The following URB1 variants were observed in gnomAD, a reference collection of about 807,000 sequenced individuals.
URB1 encodes nucleolar pre-ribosomal-associated protein 1.
Under a neutral mutation model 242.3 loss-of-function variants are expected in URB1, and 197 were observed. The ratio of observed to expected loss-of-function variants is 0.81; its 90% confidence interval spans 0.72 to 0.91. The LOEUF (loss-of-function observed/expected upper bound fraction) is 0.91. URB1 is among the 40% of genes least tolerant of loss of function. The probability of loss-of-function intolerance (pLI) is 0.00; values close to 1 mark genes in which losing one functional copy is unlikely to be tolerated. For missense variants in URB1, 2,721 were observed against 2,860.5 expected, an observed-to-expected ratio of 0.95 and a Z score of 1.11; for synonymous variants, 1,153 against 1,201.8, an observed-to-expected ratio of 0.96 and a Z score of 0.84.
intron 34 of URB1, among the ~76,000 whole-genome samples, chr21:32,321,033 C>A (rs952703202): frequency 6.6e-6 from 1 of 152,234 alleles, no homozygotes; most frequent in Non-Finnish European, 1.5e-5. Context: ...TGTTTACCAC[C>A]TGGAAGGGAG....
intron 19 of URB1, among the ~76,000 whole-genome samples, chr21:32,351,465 G>C (rs2033157735): frequency 1.3e-5 from 2 of 152,176 alleles, no homozygotes; most frequent in Admixed American, 1.3e-4. Context: ...TACTCCACGT[G>C]GCTTATGTTG....
intron 3 of URB1, 95 bp downstream of exon 3, chr21:32,384,218 A>T: frequency 7.1e-7 from 1 of 1,406,768 alleles, no homozygotes; most frequent in Non-Finnish European, 9.5e-7. Flanking sequence ...GCTCTCCTCT[A>T]GCCATAAAGG....
intron 28 of URB1, among the ~76,000 whole-genome samples, chr21:32,334,706 A>T (rs1243888412): frequency 6.6e-6 from 1 of 152,176 alleles, no homozygotes; most frequent in Non-Finnish European, 1.5e-5. Context: ...CAAGTTGCTC[A>T]GCTGCTCACC....
At chr21:32,361,684 A>G (rs555793419) in intron 12 of URB1, among the ~76,000 whole-genome samples, 2 of 152,336 alleles carry the variant, frequency 1.3e-5, no homozygotes, top group East Asian at 3.9e-4. Flanking sequence ...AAAGATGGGC[A>G]CGTTTCTAAC....
At chr21:32,368,873 T>C (rs561613789) in intron 8 of URB1, among the ~76,000 whole-genome samples, 1 of 152,326 alleles carries the variant, frequency 6.6e-6, no homozygotes, top group East Asian at 1.9e-4. Context: ...GAGTTCAATT[T>C]GCTTTCTAAA....
chr21:32,341,227 C>T (rs2033025218), intron 25 of URB1, among the ~76,000 whole-genome samples: 1 of 152,176 alleles, frequency 6.6e-6, no homozygotes, highest in Admixed American at 6.5e-5. Flanking sequence ...TACTATTATT[C>T]TCTGCACATT....
chr21:32,328,646 C>T (rs991977805), intron 30 of URB1, among the ~76,000 whole-genome samples: 3 of 152,170 alleles, frequency 2.0e-5, no homozygotes, highest in African/African-American at 7.2e-5. Flanking sequence ...AGTTTATACT[C>T]ACTAAAAGCA....
At chr21:32,362,250 G>C (rs2033298017) in intron 11 of URB1, among the ~76,000 whole-genome samples, 1 of 151,788 alleles carries the variant, frequency 6.6e-6, no homozygotes, top group African/African-American at 2.4e-5. Flanking sequence ...CTGTCGCCCA[G>C]GCTGGAGTGC....
Position 32,357,660 on chromosome 21 carries a change from G to T in URB1, c.1870-4C>A, listed in dbSNP as rs1178200377. 1 of 1,454,902 alleles carries T rather than the reference G, an allele frequency of 6.9e-7. No individual in the cohort carries two copies. Among genetic ancestry groups the T allele is most frequent in the Non-Finnish European group, 9.0e-7 (1 of 1,107,242 alleles). The allele number at this position is 1,454,902 out of a possible 1,614,324, so 90.1% of individuals were successfully genotyped here. On this transcript the variant is annotated splice_polypyrimidine_tract_variant and splice_region_variant and intron_variant, in intron 14 of 38. Coordinates refer to ENST00000382751, the MANE Select transcript of URB1 (RefSeq NM_014825.3). ...TAATTTCTGCATCTGGGCCTTCCTA[G>T]AGTTTAAACAATATTACGTATTTTT...
intron 25 of URB1, among the ~76,000 whole-genome samples, chr21:32,340,276 A>T (rs2123569949): frequency 6.6e-6 from 1 of 152,302 alleles, no homozygotes; most frequent in Non-Finnish European, 1.5e-5. Flanking sequence ...GTCAGGAAGG[A>T]TGTTAAGGGA....
intron 10 of URB1, among the ~76,000 whole-genome samples, chr21:32,364,580 G>A (rs767958434): frequency 1.9e-4 from 29 of 152,194 alleles, no homozygotes; most frequent in Non-Finnish European, 3.1e-4. Flanking sequence ...CCTAAGCCAA[G>A]AATGGCCAGC....
Position 32,315,026 on chromosome 21 carries a change from T to C in URB1, c.6708A>G (p.Leu2236=). The part of the protein sequence containing the change: ...WLGAQRPDTL[L]THVRMVCEAA... ...CCTCACACACCATCCGGACGTGGGT[T>C]AAGAGGGTGTCCGGCCGCTGAGCCC... Residue 2236 remains leucine (L), a synonymous_variant, in exon 39 of 39, where the codon TTA becomes TTG. Coordinates refer to ENST00000382751, the MANE Select transcript of URB1 (RefSeq NM_014825.3). 3 of 1,551,416 alleles carry C rather than the reference T, an allele frequency of 1.9e-6. No homozygotes were observed. Among genetic ancestry groups the C allele is most frequent in the Non-Finnish European group, 2.6e-6 (3 of 1,146,824 alleles).
At chr21:32,331,834 G>A (rs1416774457) in intron 30 of URB1, among the ~76,000 whole-genome samples, 1 of 152,244 alleles carries the variant, frequency 6.6e-6, no homozygotes, top group Non-Finnish European at 1.5e-5. Context: ...CCCTGTTGGG[G>A]TGGCATGAGA....
chr21:32,337,704 T>G (rs1426259420), intron 26 of URB1, among the ~76,000 whole-genome samples, 190 bp from the exon 27 acceptor site: 2 of 151,530 alleles, frequency 1.3e-5, no homozygotes, highest in Non-Finnish European at 2.9e-5. Flanking sequence ...TTTCTTTTTT[T>G]CTTTTTTTTT....
chr21:32,350,021 C>CT (rs2033139099), intron 20 of URB1, among the ~76,000 whole-genome samples: 1 of 151,414 alleles, frequency 6.6e-6, no homozygotes. Context: ...CTGAGGGTTG[C>CT]TGTTGAGGGT....
intron 8 of URB1, among the ~76,000 whole-genome samples, chr21:32,369,097 C>T (rs9984925): frequency 0.13 from 19,731 of 152,120 alleles, 1,558 homozygotes; most frequent in African/African-American, 0.22. Context: ...AATCCCAGCA[C>T]TTTGGGAGGC....
In URB1 at chr21:32,316,754, C is replaced by A. The variant is rs1487202301; in HGVS notation, c.6346G>T (p.Ala2116Ser). 5 of 1,550,876 alleles carry A rather than the reference C, an allele frequency of 3.2e-6. No homozygotes were observed. The highest frequency in any genetic ancestry group is 3.9e-5 in the Admixed American group (2 of 50,976). The change falls in exon 38 of 39, where the codon GCA becomes TCA. Residue 2116 changes from alanine (A) to serine (S), a missense_variant. By Grantham distance (99) the Ala-to-Ser change is moderately conservative (BLOSUM62 1). Coordinates refer to ENST00000382751, the MANE Select transcript of URB1 (RefSeq NM_014825.3). ...CAGCCAATGAGTCCTGCAGCCTCTG[C>A]CCTGCTGAGCGGGTGCTCGGCCACC... ...RSVAEHPLSR[A>S]EAAGLIGWLK...
At chr21:32,370,521 C>G (rs1338142617) in intron 8 of URB1, among the ~76,000 whole-genome samples, 1 of 152,146 alleles carries the variant, frequency 6.6e-6, no homozygotes, top group Non-Finnish European at 1.5e-5. Context: ...TAGTGCACAA[C>G]ACATGCCAGA....
chr21:32,341,467 T>C lies in URB1; in HGVS notation c.4315A>G (p.Lys1439Glu), dbSNP rs1051704380. 2.6e-5 allele frequency: 40 copies of C among 1,551,390 alleles called. No individual in the cohort carries two copies. Among genetic ancestry groups the C allele is most frequent in the Middle Eastern group, 1.7e-4 (1 of 6,012 alleles). The part of the protein sequence containing the change: ...DWQKFVKKGL[K>E]FRYQDHTFLK... ...ACCAAGAAAATAAAATCAACTTACT[T>C]GAGTCCCTTCTTCACGAATTTCTGC... is the stretch of plus-strand genomic sequence containing the variant. The change falls in exon 25 of 39, where the codon AAA becomes GAA. Residue 1439 changes from lysine to glutamate, a missense_variant and splice_region_variant. By Grantham distance (56) the Lys-to-Glu change is moderately conservative. Coordinates refer to ENST00000382751, the MANE Select transcript of URB1 (RefSeq NM_014825.3).
Sources: gnomAD v4.1 joint callset for allele counts (sites outside exome capture counted in the v4.1 genomes callset) on GRCh38, gnomAD v4.1.1 for gene constraint, MANE v1.5 for transcripts, NCBI Gene and HGNC (gene_info 2026-07-23, HGNC 2026-07-21) for gene names.